PCSK5: variants seen among roughly 807,000 people sequenced by gnomAD.
The protein encoded by PCSK5 is proprotein convertase subtilisin/kexin type 5.
A neutral mutation model predicts 233.2 loss-of-function variants in PCSK5; 129 were observed. The ratio of observed to expected loss-of-function variants is 0.55; its 90% confidence interval spans 0.48 to 0.64. PCSK5 has a LOEUF of 0.64. PCSK5 is among the 30% of genes least tolerant of loss of function. The pLI is 0.00. For synonymous variants in PCSK5, 825 were observed against 879.2 expected, an observed-to-expected ratio of 0.94 and a Z score of 1.09; for missense variants, 2,076 against 2,430.1, an observed-to-expected ratio of 0.85 and a Z score of 3.06.
At chr9:76,210,742 G>T (rs532106812) in intron 20 of PCSK5, among the ~76,000 whole-genome samples, 2 of 152,326 alleles carry the variant, frequency 1.3e-5, no homozygotes, top group South Asian at 4.1e-4. Context: ...GGCGTGGGGG[G>T]TGGAGAATAT....
At chr9:76,106,370 T>C (rs1190277914) in intron 8 of PCSK5, among the ~76,000 whole-genome samples, 1 of 152,236 alleles carries the variant, frequency 6.6e-6, no homozygotes, top group Non-Finnish European at 1.5e-5. Context: ...TCCAGAATCT[T>C]ATTCCATAGT....
rs139764428 is a variant in PCSK5, at chr9:76,331,400, G to C, written c.4571-1033G>C. ...TGCCGGGGGTGGGCCAGGCATGGTG[G>C]CTCACGCCTGTAATCCCAGCACTTT... On this transcript the variant is annotated intron_variant, in intron 33 of 37. Transcript: ENST00000674117. Among the ~76,000 whole-genome samples, 454 of 152,258 alleles carry C rather than the reference G, an allele frequency of 3.0e-3. 2 individuals are homozygous for C. The highest frequency in any genetic ancestry group is 0.011 in the African/African-American group (442 of 41,548).
chr9:76,048,978 GATCATATTT>G (rs1405107055), intron 5 of PCSK5, among the ~76,000 whole-genome samples: 2 of 152,122 alleles, frequency 1.3e-5, no homozygotes, highest in East Asian at 1.9e-4. Context: ...AAATGGCTAC[GATCATATTT>G]ATCATATTTA....
chr9:75,988,009 A>T (rs1363031426), intron 3 of PCSK5, among the ~76,000 whole-genome samples: 1 of 152,218 alleles, frequency 6.6e-6, no homozygotes, highest in Non-Finnish European at 1.5e-5. Flanking sequence ...GGACTCTAGC[A>T]GGAGCCATGA....
intron 3 of PCSK5, among the ~76,000 whole-genome samples, chr9:76,014,541 A>G (rs987895556): frequency 2.0e-5 from 3 of 152,212 alleles, no homozygotes; most frequent in Non-Finnish European, 4.4e-5. Context: ...CCAAAACCAG[A>G]GGAGAGTTGA....
intron 5 of PCSK5, among the ~76,000 whole-genome samples, chr9:76,051,973 C>T (rs1225530624): frequency 6.6e-6 from 1 of 152,166 alleles, no homozygotes; most frequent in Non-Finnish European, 1.5e-5. Context: ...CATGGCATAA[C>T]TAGGGGCTGC....
intron 33 of PCSK5, 83 bp from the exon 34 acceptor site, chr9:76,332,350 C>T (rs1289880193): frequency 1.4e-5 from 14 of 997,194 alleles, no homozygotes; most frequent in East Asian, 4.9e-5. Context: ...TCCTCCCTCC[C>T]GCCATGGTAC....
intron 30 of PCSK5, among the ~76,000 whole-genome samples, chr9:76,315,368 T>A (rs925920242): frequency 3.9e-5 from 6 of 152,176 alleles, no homozygotes; most frequent in African/African-American, 1.4e-4. Flanking sequence ...TTCCTTTAAG[T>A]GCTGCTGGTC....
chr9:76,297,559 GTT>G (rs1828479974), intron 27 of PCSK5, among the ~76,000 whole-genome samples: 1 of 152,162 alleles, frequency 6.6e-6, no homozygotes, highest in Admixed American at 6.5e-5. Flanking sequence ...TTGAGCGTCA[GTT>G]ATAGGCTTCC....
At chr9:76,268,563 G>T (rs555566489) in intron 24 of PCSK5, among the ~76,000 whole-genome samples, 3 of 152,220 alleles carry the variant, frequency 2.0e-5, no homozygotes, top group Admixed American at 2.0e-4. Flanking sequence ...ACTAGAAGCG[G>T]CTGGGTGCAG....
At chr9:75,925,517 G>A (rs1388356110) in intron 1 of PCSK5, among the ~76,000 whole-genome samples, 1 of 152,228 alleles carries the variant, frequency 6.6e-6, no homozygotes, top group African/African-American at 2.4e-5. Flanking sequence ...GGGAAAGACC[G>A]ACAATAAATG....
intron 20 of PCSK5, among the ~76,000 whole-genome samples, chr9:76,226,574 A>C (rs59234407): frequency 0.025 from 3,744 of 152,260 alleles, 147 homozygotes; most frequent in African/African-American, 0.085. Context: ...GGGGGCTGTC[A>C]GAGTTGGAGG....
At chr9:76,176,695 C>G (rs1437934054) in intron 14 of PCSK5, among the ~76,000 whole-genome samples, 2 of 152,132 alleles carry the variant, frequency 1.3e-5, no homozygotes, top group East Asian at 3.8e-4. Context: ...CCTTGGTGCT[C>G]TTATAGTGGA....
At chr9:76,006,085 G>C (rs925724509) in intron 3 of PCSK5, among the ~76,000 whole-genome samples, 1 of 151,010 alleles carries the variant, frequency 6.6e-6, no homozygotes, top group African/African-American at 2.4e-5. Context: ...GCTAATTTTG[G>C]CTTGTTTGAT....
intron 5 of PCSK5, among the ~76,000 whole-genome samples, chr9:76,064,586 C>G (rs376323136): frequency 2.1e-5 from 3 of 143,966 alleles, no homozygotes; most frequent in Non-Finnish European, 4.6e-5. Context: ...GGGTGGCTGC[C>G]GGGCGGAGAG....
Position 76,107,238 on chromosome 9 carries a change from CT to C in PCSK5, c.1108-10del, listed in dbSNP as rs757820629. 1.3e-6 allele frequency: 2 copies of C among 1,579,136 alleles called. No homozygotes were observed. Among genetic ancestry groups the C allele is most frequent in the Admixed American group, 3.5e-5 (2 of 57,018 alleles). On this transcript the variant is annotated splice_polypyrimidine_tract_variant and intron_variant, in intron 8 of 37. Transcript: ENST00000674117. Reference sequence around the variant, plus strand: ...TGGCCTCAGAAATCTAAACTTTTCACTTTGTTTTCCAGATCACTACAGATCT... The same window carrying C: ...TGGCCTCAGAAATCTAAACTTTTCACTTGTTTTCCAGATCACTACAGATCT...
chr9:76,056,776 A>C (rs960904987), intron 5 of PCSK5, among the ~76,000 whole-genome samples: 1 of 152,202 alleles, frequency 6.6e-6, no homozygotes, highest in African/African-American at 2.4e-5. Context: ...CCTTAAGAGA[A>C]TCAGAAGTGA....
intron 5 of PCSK5, among the ~76,000 whole-genome samples, chr9:76,032,437 T>C (rs961500567): frequency 1.3e-5 from 2 of 152,148 alleles, no homozygotes; most frequent in Non-Finnish European, 2.9e-5. Flanking sequence ...CTCAAAACTA[T>C]GCAAATCATC....
At chr9:76,252,557 A>G (rs912510336) in intron 24 of PCSK5, among the ~76,000 whole-genome samples, 1 of 152,204 alleles carries the variant, frequency 6.6e-6, no homozygotes, top group Non-Finnish European at 1.5e-5. Flanking sequence ...AGCAAGACTG[A>G]GAGAGTCAGT....
Sources: allele counts gnomAD v4.1 joint callset (sites outside exome capture counted in the v4.1 genomes callset), GRCh38; gene constraint gnomAD v4.1.1; transcripts MANE v1.5; gene names NCBI Gene and HGNC (gene_info 2026-07-23, HGNC 2026-07-21).